ZNF562: variants seen among roughly 807,000 people sequenced by gnomAD.
ZNF562 encodes the protein zinc finger protein 562.
A neutral mutation model predicts 17.5 loss-of-function variants in ZNF562; 13 were observed. That is an observed-to-expected ratio of 0.74 (90% CI 0.48 to 1.18). The LOEUF (loss-of-function observed/expected upper bound fraction) is 1.18, where lower values mean the gene tolerates loss of function less well. Ranked by LOEUF, ZNF562 falls within the 50% of genes most tolerant of loss-of-function variation. The probability of loss-of-function intolerance (pLI) is 0.00; values close to 1 mark genes in which losing one functional copy is unlikely to be tolerated. For missense variants in ZNF562, 481 were observed against 498.5 expected (o/e 0.96, Z 0.33); for synonymous variants, 163 against 165.4 (o/e 0.99, Z 0.11).
chr19:9,660,858 CA>C lies in ZNF562; in HGVS notation c.-115del, dbSNP rs2043708802. 1.9e-6 allele frequency: 2 copies of C among 1,064,942 alleles called. No homozygotes were observed. Among genetic ancestry groups the C allele is most frequent in the Non-Finnish European group, 2.8e-6 (2 of 718,592 alleles). 66.0% of individuals were successfully genotyped at this position (1,064,942 alleles called of 1,614,324 possible). On this transcript the variant is annotated 5_prime_UTR_variant, in exon 2 of 6. Coordinates refer to ENST00000453372, the MANE Select transcript of ZNF562 (RefSeq NM_001130031.2). ...CAGGCAATCTCCATTCCCCTTTGTA[CA>C]GGGTTATCTGAGGCCCTGTTCATAC...
intron 1 of ZNF562, among the ~76,000 whole-genome samples, chr19:9,670,905 G>C (rs1275171139): frequency 6.6e-6 from 1 of 151,676 alleles, no homozygotes; most frequent in Non-Finnish European, 1.5e-5. Flanking sequence ...GCTGAGGCAG[G>C]AGAATCACTT....
At chr19:9,665,679 T>C (rs1055040007) in intron 1 of ZNF562, among the ~76,000 whole-genome samples, 3 of 152,188 alleles carry the variant, frequency 2.0e-5, no homozygotes, top group Non-Finnish European at 4.4e-5. Flanking sequence ...CTTGACTGTT[T>C]GCTAGAGCAG....
chr19:9,654,665 T>C (rs2043391788), intron 5 of ZNF562, among the ~76,000 whole-genome samples: 1 of 152,014 alleles, frequency 6.6e-6, no homozygotes, highest in South Asian at 2.1e-4. Context: ...GCCAGGGTGT[T>C]CTCAAACTCT....
chr19:9,651,458 C>G lies in ZNF562; in HGVS notation c.*1491G>C, dbSNP rs1190943249. ...AGGAAAATGTGCTGGGAACAGGCCCCCCAAATCTGGCCATAAACAGGCAAT... is the reference window on the plus strand; with the variant it reads ...AGGAAAATGTGCTGGGAACAGGCCCGCCAAATCTGGCCATAAACAGGCAAT... On this transcript the variant is annotated 3_prime_UTR_variant, in exon 6 of 6. Transcript: ENST00000453372. 6.6e-6 allele frequency: 1 copy of G among 152,156 alleles called. No individual in the cohort carries two copies. The highest frequency in any genetic ancestry group is 1.5e-5 in the Non-Finnish European group (1 of 68,032). The allele number at this position is 152,156 out of a possible 1,614,324, so 9.4% of individuals were successfully genotyped here.
intron 1 of ZNF562, among the ~76,000 whole-genome samples, chr19:9,664,520 C>A (rs542088348): frequency 6.6e-6 from 1 of 152,354 alleles, no homozygotes; most frequent in South Asian, 2.1e-4. Context: ...AAGACCCTAA[C>A]AGTCACTGAT....
At position 9,658,341 on chromosome 19, in the gene ZNF562, T is replaced by C. The variant is rs1011643837; in HGVS notation, c.115-206A>G. ...AGGCATATGCCTTAAACAGCACTTT[T>C]TTTCTTTCTTTCTTTCTTTTTTTTT... On this transcript the variant is annotated intron_variant, in intron 3 of 5. Coordinates refer to ENST00000453372, the MANE Select transcript of ZNF562 (RefSeq NM_001130031.2). The C allele has an allele frequency of 3.1e-5, 31 of 984,584 alleles. No individual in the cohort carries two copies. The East Asian group carries it at 1.4e-3, about 43-fold the overall frequency. The allele number at this position is 984,584 out of a possible 1,614,324, so 61.0% of individuals were successfully genotyped here. A position where few individuals can be genotyped will look rare whatever the true frequency, so the allele number is the denominator to read the frequency against.
intron 1 of ZNF562, among the ~76,000 whole-genome samples, chr19:9,669,771 C>A (rs903013161): frequency 6.2e-4 from 94 of 151,358 alleles, no homozygotes; most frequent in Non-Finnish European, 1.2e-3. Flanking sequence ...CACACACACA[C>A]ACACAACCAG....
intron 1 of ZNF562, among the ~76,000 whole-genome samples, chr19:9,664,989 A>C (rs1161605086): frequency 2.6e-5 from 4 of 152,340 alleles, no homozygotes; most frequent in Non-Finnish European, 5.9e-5. Flanking sequence ...TGGGAGGCCA[A>C]GGCAGGTGGC....
chr19:9,659,265 G>A (rs1308707969), intron 3 of ZNF562, 114 bp downstream of exon 3: 7 of 944,336 alleles, frequency 7.4e-6, no homozygotes, highest in Non-Finnish European at 1.1e-5. Context: ...CAGTCCTTGA[G>A]TAAGGCTTCA....
intron 1 of ZNF562, among the ~76,000 whole-genome samples, chr19:9,662,511 G>A (rs949854831): frequency 1.3e-4 from 19 of 150,636 alleles, no homozygotes; most frequent in African/African-American, 1.7e-4. Context: ...GCAGTGAGCC[G>A]AGATCATGCC....
Position 9,658,090 on chromosome 19 carries a change from C to T in ZNF562, c.160G>A (p.Glu54Lys), listed in dbSNP as rs1203924544. The T allele has an allele frequency of 6.2e-7, 1 of 1,613,926 alleles. No individual in the cohort carries two copies. The highest frequency in any genetic ancestry group is 2.2e-5 in the East Asian group (1 of 44,882). ...DDVAVEFTPE[E>K]WALLDTTQKY... Reference sequence around the variant, plus strand: ...TGAGTTGTGTCCAGTAAAGCCCACTCCTCTGGGGTGAACTCCACAGCCACA... The same window carrying T: ...TGAGTTGTGTCCAGTAAAGCCCACTTCTCTGGGGTGAACTCCACAGCCACA... The change falls in exon 4 of 6, where the codon GAG (glutamate) becomes AAG (lysine). Residue 54 changes from glutamate (E) to lysine (K), a missense_variant. Glu to Lys is a moderately conservative substitution (Grantham distance 56). Coordinates refer to ENST00000453372, the MANE Select transcript of ZNF562 (RefSeq NM_001130031.2).
chr19:9,657,255 T>C (rs1007291636), intron 4 of ZNF562, among the ~76,000 whole-genome samples: 1 of 150,490 alleles, frequency 6.6e-6, no homozygotes, highest in Non-Finnish European at 1.5e-5. Flanking sequence ...TATATCAAAA[T>C]GATAAACTTA....
chr19:9,668,124 C>T (rs1380647581), intron 1 of ZNF562, among the ~76,000 whole-genome samples: 2 of 151,920 alleles, frequency 1.3e-5, no homozygotes, highest in African/African-American at 2.4e-5. Flanking sequence ...AATTGTAATC[C>T]CAGAATTTTG....
chr19:9,664,287 TG>T (rs2043863779), intron 1 of ZNF562, among the ~76,000 whole-genome samples: 1 of 152,216 alleles, frequency 6.6e-6, no homozygotes, highest in Non-Finnish European at 1.5e-5. Flanking sequence ...CTGGATGGTC[TG>T]GAACTCCTGA....
rs531849701 is a variant in ZNF562 at position 9,657,900 on chromosome 19, A to G, written c.241+109T>C. ...GAGATGAGGTTTCACAATGTTGCCC[A>G]TGCTAGTATCAAACTCCCAGGCTCC... On this transcript the variant is annotated intron_variant, in intron 4 of 5. Transcript: ENST00000453372. The G allele has an allele frequency of 9.4e-5, 130 of 1,382,682 alleles. No individual in the cohort carries two copies. In the African/African-American group the frequency reaches 1.8e-3, roughly 19 times the overall value. The allele number at this position is 1,382,682 out of a possible 1,614,324, so 85.7% of individuals were successfully genotyped here.
At position 9,659,929 on chromosome 19, in the gene ZNF562, TAAAAAAAAAAAAAAAAAAAAAA is replaced by T. The variant is rs763657709; in HGVS notation, c.26-484_26-463del. On this transcript the variant is annotated intron_variant, in intron 2 of 5. Transcript: ENST00000453372. The stretch of plus-strand genomic sequence containing the variant: ...CAACATGGCAAAACCCCGTCTCTAC[TAAAAAAAAAAAAAAAAAAAAAA>T]AAAAAAAAAAAAAAAAAAAAAAAAA... Among the ~76,000 whole-genome samples, 22 of 37,370 alleles carry T rather than the reference TAAAAAAAAAAAAAAAAAAAAAA, an allele frequency of 5.9e-4. 1 individual carries two copies. Among genetic ancestry groups the T allele is most frequent in the Middle Eastern group, 0.025 (1 of 40 alleles). 24.5% of individuals were successfully genotyped at this position (37,370 alleles called of 152,430 possible). A position where few individuals can be genotyped will look rare whatever the true frequency, so the allele number is the denominator to read the frequency against.
rs139794360 is a variant in ZNF562, at chr19:9,643,218, G to A, written c.*9731C>T. 619 of 152,252 alleles carry A rather than the reference G, an allele frequency of 4.1e-3. 9 individuals are homozygous for A. The East Asian group carries it at 0.052, about 13-fold the overall frequency. 9.4% of individuals were successfully genotyped at this position (152,252 alleles called of 1,614,324 possible). ...AAAATACAAAAATTAGCTGGGTGTG[G>A]TGGTGCACACCTGTAATCCCAGGTA... On this transcript the variant is annotated 3_prime_UTR_variant, in exon 6 of 6. Coordinates refer to ENST00000453372, the MANE Select transcript of ZNF562 (RefSeq NM_001130031.2).
At chr19:9,669,732 GCGCACACACACACACACACA>G (rs1211460571) in intron 1 of ZNF562, among the ~76,000 whole-genome samples, 1 of 76,776 alleles carries the variant, frequency 1.3e-5, no homozygotes, top group African/African-American at 4.0e-5. Context: ...GCGCGCGCGC[GCGCACACACACACACACACA>G]CACACACACA....
chr19:9,643,709 C>T lies in ZNF562; in HGVS notation c.*9240G>A, dbSNP rs1162189823. On this transcript the variant is annotated 3_prime_UTR_variant, in exon 6 of 6. Coordinates refer to ENST00000453372, the MANE Select transcript of ZNF562 (RefSeq NM_001130031.2). ...GTAGATGGGGGGCTTGCTATGCTGTCCAGGCAGGTCTCGAACTCCTGAGCT... is the reference window on the plus strand; with the variant it reads ...GTAGATGGGGGGCTTGCTATGCTGTTCAGGCAGGTCTCGAACTCCTGAGCT... 6.6e-6 allele frequency: 1 copy of T among 151,690 alleles called. No individual in the cohort carries two copies. Among genetic ancestry groups the T allele is most frequent in the Non-Finnish European group, 1.5e-5 (1 of 67,980 alleles). 9.4% of individuals were successfully genotyped at this position (151,690 alleles called of 1,614,324 possible).
Sources: allele counts gnomAD v4.1 joint callset (sites outside exome capture counted in the v4.1 genomes callset), GRCh38; gene constraint gnomAD v4.1.1; transcripts MANE v1.5; gene names NCBI Gene and HGNC (gene_info 2026-07-23, HGNC 2026-07-21).